The following CHD1L variants were observed in gnomAD, a reference collection of about 807,000 sequenced individuals.
The protein encoded by CHD1L is ATP-dependent chromatin remodeler CHD1L.
A neutral mutation model predicts 115.9 loss-of-function variants in CHD1L; 118 were observed. The observed-to-expected ratio is 1.02, with a 90% confidence interval of 0.88 to 1.19. The LOEUF (loss-of-function observed/expected upper bound fraction) is 1.19, where lower values mean the gene tolerates loss of function less well. CHD1L is among the 50% of genes most tolerant of loss of function. CHD1L has a pLI of 0.00. For synonymous variants in CHD1L, 411 were observed against 387.1 expected, an observed-to-expected ratio of 1.06 and a Z score of -0.72; for missense variants, 1,179 against 1,065.3, an observed-to-expected ratio of 1.11 and a Z score of -1.49.
the CHD1L span, among the ~76,000 whole-genome samples, chr1:147,223,298 C>T: frequency 2.0e-4 from 30 of 152,242 alleles, no homozygotes; most frequent in African/African-American, 7.0e-4. Flanking sequence ...TGCAGGTCAG[C>T]TAAGGGGATC....
In CHD1L at chr1:147,286,472, C is replaced by A. The variant is rs201230867; in HGVS notation, c.2193C>A (p.Ala731=). The stretch of plus-strand genomic sequence containing the variant: ...ATGTCACCCACCCTCAGGCTGGGGC[C>A]GAGGATGCTCTCATTGTGCACTGCG... ...SGDVTHPQAG[A]EDALIVHCVD... The change falls in exon 18 of 23, where the codon GCC becomes GCA. Residue 731 remains alanine (A), a synonymous_variant. Coordinates refer to ENST00000369258, the MANE Select transcript of CHD1L (RefSeq NM_004284.6). 1 of 1,613,710 alleles carries A rather than the reference C, an allele frequency of 6.2e-7. No homozygotes were observed. The highest frequency in any genetic ancestry group is 8.5e-7 in the Non-Finnish European group (1 of 1,179,992).
chr1:147,287,679 GA>G lies in CHD1L; in HGVS notation c.2270del (p.Lys757SerfsTer16). On this transcript the variant is annotated frameshift_variant, in exon 19 of 23. Coordinates refer to ENST00000369258, the MANE Select transcript of CHD1L (RefSeq NM_004284.6). LOFTEE classifies it high-confidence loss of function. ...CAGAGGTGGTTTATTTACAGCTCTG[GA>G]AAAGCGATCCGCTGAGCCAAGAAAA... Reference protein sequence around the residue: ...WGRGGLFTALEKRSAEPRKIY... With the variant: ...WGRGGLFTALXKRSAEPRKIY... 1.9e-6 allele frequency: 3 copies of G among 1,614,070 alleles called. No homozygotes were observed. Among genetic ancestry groups the G allele is most frequent in the Non-Finnish European group, 2.5e-6 (3 of 1,179,996 alleles).
chr1:147,214,169 C>T, the CHD1L span, among the ~76,000 whole-genome samples: 6 of 152,198 alleles, frequency 3.9e-5, no homozygotes, highest in East Asian at 3.9e-4. Context: ...GACACCATCC[C>T]GGCCGGGTGC....
Position 147,265,982 on chromosome 1 carries a change from G to C in CHD1L, c.790G>C (p.Ala264Pro), listed in dbSNP as rs1315139999. Residue 264 changes from alanine to proline, a missense_variant, in exon 8 of 23, where the codon GCT becomes CCT. Transcript: ENST00000369258. ...LQPFLLRRVKAEVATELPKKT... is the reference protein window; with the variant it reads ...LQPFLLRRVKPEVATELPKKT... ...GCCATTTCTGCTGAGGCGAGTGAAA[G>C]CTGAGGTAGCTACAGAGCTTCCCAA... 1 of 1,613,710 alleles carries C rather than the reference G, an allele frequency of 6.2e-7. No individual in the cohort carries two copies. Among genetic ancestry groups the C allele is most frequent in the African/African-American group, 1.3e-5 (1 of 74,860 alleles).
chr1:147,242,629 G>A (rs1027341983), upstream of CHD1L: 1 of 1,232,822 alleles, frequency 8.1e-7, no homozygotes. Context: ...GCGCGCAGTC[G>A]CGCGCCCCCG....
chr1:147,183,946 T>G, the CHD1L span, among the ~76,000 whole-genome samples: 5,606 of 152,278 alleles, frequency 0.037, 147 homozygotes, highest in South Asian at 0.095. Context: ...ACAGCTTCAA[T>G]AAAGAACATA....
chr1:147,240,705 C>T (rs1411484336), upstream of CHD1L, among the ~76,000 whole-genome samples: 3 of 152,092 alleles, frequency 2.0e-5, no homozygotes, highest in Non-Finnish European at 4.4e-5. Context: ...ATGTGGGCAG[C>T]AATACTGCTC....
At chr1:147,295,298 G>A in intron 22 of CHD1L, 133 bp from the exon 23 acceptor site, 1 of 678,908 alleles carries the variant, frequency 1.5e-6, no homozygotes, top group Non-Finnish European at 2.6e-6. Context: ...TATTGAAAGT[G>A]TTTATGATAT....
Position 147,295,430 on chromosome 1 carries a change from G to C in CHD1L, c.2616-1G>C. The C allele has an allele frequency of 1.2e-6, 2 of 1,601,290 alleles. No individual in the cohort carries two copies. The highest frequency in any genetic ancestry group is 1.7e-6 in the Non-Finnish European group (2 of 1,169,360). ...GTATCTTCCTTGACCATCCTTATCA[G>C]ATATTATTTTCCTAGAAGCAAGTCT... On this transcript the variant is annotated splice_acceptor_variant, in intron 22 of 22. Transcript: ENST00000369258. LOFTEE classifies it high-confidence loss of function.
the CHD1L span, among the ~76,000 whole-genome samples, chr1:147,217,353 G>C: frequency 5.3e-5 from 8 of 151,998 alleles, no homozygotes; most frequent in Non-Finnish European, 1.2e-4. Context: ...CTGTCACCGA[G>C]ATTTCACAAA....
At chr1:147,221,456 A>G in the CHD1L span, among the ~76,000 whole-genome samples, 1 of 152,358 alleles carries the variant, frequency 6.6e-6, no homozygotes, top group Non-Finnish European at 1.5e-5. Flanking sequence ...ACATGTTTGT[A>G]CATAAGTGTA....
the CHD1L span, among the ~76,000 whole-genome samples, chr1:147,183,185 G>A: frequency 2.0e-5 from 3 of 152,176 alleles, no homozygotes; most frequent in Non-Finnish European, 2.9e-5. Flanking sequence ...GCGACAGAGC[G>A]AGACTCTGTC....
the CHD1L span, chr1:147,211,109 CAT>C: frequency 6.6e-6 from 1 of 152,166 alleles, no homozygotes; most frequent in Non-Finnish European, 1.5e-5. Context: ...GCTATGCAGA[CAT>C]AGTTTTCCTT....
At chr1:147,232,650 C>T in the CHD1L span, among the ~76,000 whole-genome samples, 3 of 152,122 alleles carry the variant, frequency 2.0e-5, no homozygotes, top group Non-Finnish European at 2.9e-5. Flanking sequence ...AGGCACGCGC[C>T]GCCACGCCTG....
rs149791343 is a variant in CHD1L at position 147,284,380 on chromosome 1, G to T, written c.1735G>T (p.Asp579Tyr). The T allele has an allele frequency of 8.8e-6, 14 of 1,590,802 alleles. No individual in the cohort carries two copies. The highest frequency in any genetic ancestry group is 1.2e-5 in the Non-Finnish European group (14 of 1,168,608). The change falls in exon 16 of 23, where the codon GAT becomes TAT. Residue 579 changes from aspartate (D) to tyrosine (Y), a missense_variant. Coordinates refer to ENST00000369258, the MANE Select transcript of CHD1L (RefSeq NM_004284.6). ...TCATATGTACTTATTTGAAGGTAAA[G>T]ATTATTCTAAAGAGCCCAGTAAGGA... ...KNHMYLFEGK[D>Y]YSKEPSKEDR...
intron 6 of CHD1L, among the ~76,000 whole-genome samples, chr1:147,262,367 C>T (rs1158123230): frequency 2.0e-5 from 3 of 152,044 alleles, no homozygotes; most frequent in Non-Finnish European, 4.4e-5. Context: ...ATTTTATACA[C>T]ACACAAAAAA....
rs1225638576 is a variant in CHD1L at position 147,245,710 on chromosome 1, G to A, written c.127+2880G>A. Among the ~76,000 whole-genome samples, 3 of 44,230 alleles carry A rather than the reference G, an allele frequency of 6.8e-5. No individual in the cohort carries two copies. The South Asian group carries it at 2.1e-3, about 31-fold the overall frequency. The allele number at this position is 44,230 out of a possible 152,430, so 29.0% of individuals were successfully genotyped here. A position where few individuals can be genotyped will look rare whatever the true frequency, so the allele number is the denominator to read the frequency against. On this transcript the variant is annotated intron_variant, in intron 1 of 22. Transcript: ENST00000369258. The stretch of plus-strand genomic sequence containing the variant: ...TGAAAATTCAACTTTTTTTTTTTTT[G>A]AGATAAGGTCTCACTCTGTTGCCCA...
At chr1:147,255,047 A>G in intron 3 of CHD1L, 71 bp downstream of exon 3, 1 of 1,140,034 alleles carries the variant, frequency 8.8e-7, no homozygotes, top group Non-Finnish European at 1.2e-6. Flanking sequence ...TGATGTATAA[A>G]ATATGATAAA....
At chr1:147,192,307 CTGTT>C in the CHD1L span, among the ~76,000 whole-genome samples, 2 of 151,988 alleles carry the variant, frequency 1.3e-5, no homozygotes, top group East Asian at 1.9e-4. Context: ...ATTTGGCTCT[CTGTT>C]TGTCTGTTGT....
Sources: gnomAD v4.1 joint callset for allele counts (sites outside exome capture counted in the v4.1 genomes callset) on GRCh38, gnomAD v4.1.1 for gene constraint, MANE v1.5 for transcripts, NCBI Gene and HGNC (gene_info 2026-07-23, HGNC 2026-07-21) for gene names.